SHROOM3: variants seen among roughly 807,000 people sequenced by gnomAD.
SHROOM3 encodes protein Shroom3.
In SHROOM3, 47 loss-of-function variants were observed where a neutral mutation model predicts 138.6. The ratio of observed to expected loss-of-function variants is 0.34; its 90% CI spans 0.27 to 0.43. The LOEUF is 0.43. Ranked by LOEUF, SHROOM3 falls within the 20% of genes least tolerant of loss-of-function variation. The pLI is 1.00. For missense variants in SHROOM3, 2,491 were observed against 2,596.5 expected (o/e 0.96, Z 0.88); for synonymous variants, 1,062 against 1,063.3 (o/e 1.00, Z 0.02).
At chr4:76,486,912 T>C (rs6829602) in intron 1 of SHROOM3, among the ~76,000 whole-genome samples, 1 of 150,150 alleles carries the variant, frequency 6.7e-6, no homozygotes, top group African/African-American at 2.5e-5. Flanking sequence ...AAGGCAACTT[T>C]AAAAAAAAAA....
At chr4:76,461,699 G>C (rs1478051999) in intron 1 of SHROOM3, among the ~76,000 whole-genome samples, 1 of 151,952 alleles carries the variant, frequency 6.6e-6, no homozygotes, top group Admixed American at 6.6e-5. Context: ...AAAGCAAAAG[G>C]CTTATGGTAA....
chr4:76,735,451 G>A (rs1394614306), intron 4 of SHROOM3, among the ~76,000 whole-genome samples: 2 of 151,928 alleles, frequency 1.3e-5, no homozygotes, highest in Non-Finnish European at 2.9e-5. Context: ...TCTACCTTAG[G>A]TTTGCTACAG....
intron 2 of SHROOM3, among the ~76,000 whole-genome samples, chr4:76,611,630 C>T (rs578176384): frequency 2.0e-5 from 3 of 152,028 alleles, no homozygotes; most frequent in Admixed American, 6.6e-5. Flanking sequence ...TTATATTTGC[C>T]CTCCATTGAT....
chr4:76,543,008 C>G (rs1469733524), intron 1 of SHROOM3, among the ~76,000 whole-genome samples: 2 of 152,164 alleles, frequency 1.3e-5, no homozygotes, highest in Non-Finnish European at 2.9e-5. Context: ...CATTCTGTCC[C>G]CATCCAGCCA....
At chr4:76,585,193 C>CTG (rs1203975489) in intron 2 of SHROOM3, among the ~76,000 whole-genome samples, 2 of 152,152 alleles carry the variant, frequency 1.3e-5, no homozygotes, top group African/African-American at 2.4e-5. Context: ...ATTCAGAATT[C>CTG]TGTGTGTGTG....
At chr4:76,579,774 G>A (rs986234786) in intron 2 of SHROOM3, among the ~76,000 whole-genome samples, 1 of 152,218 alleles carries the variant, frequency 6.6e-6, no homozygotes, top group Non-Finnish European at 1.5e-5. Flanking sequence ...ACAAACACTG[G>A]TTGGCCAGTT....
At chr4:76,769,855 C>T (rs1369950507) in intron 9 of SHROOM3, among the ~76,000 whole-genome samples, 2 of 152,198 alleles carry the variant, frequency 1.3e-5, no homozygotes, top group Non-Finnish European at 2.9e-5. Flanking sequence ...AACTGCTCTA[C>T]AAATGGTAGC....
chr4:76,555,856 G>A, intron 2 of SHROOM3, 93 bp downstream of exon 2: 2 of 1,435,238 alleles, frequency 1.4e-6, no homozygotes, highest in South Asian at 2.4e-5. Context: ...CTCGGGGTTG[G>A]TAGCTTGGCT....
intron 1 of SHROOM3, among the ~76,000 whole-genome samples, chr4:76,472,654 A>G (rs866849154): frequency 9.2e-5 from 14 of 151,780 alleles, no homozygotes; most frequent in African/African-American, 3.4e-4. Flanking sequence ...TAAAAAAATT[A>G]TATGGGATAT....
At chr4:76,557,424 G>T (rs1728830149) in intron 2 of SHROOM3, among the ~76,000 whole-genome samples, 1 of 152,160 alleles carries the variant, frequency 6.6e-6, no homozygotes, top group African/African-American at 2.4e-5. Context: ...CAAACTCACA[G>T]AAACAGAGAG....
intron 2 of SHROOM3, among the ~76,000 whole-genome samples, chr4:76,559,985 G>T (rs1733566512): frequency 6.6e-6 from 1 of 152,094 alleles, no homozygotes; most frequent in Non-Finnish European, 1.5e-5. Flanking sequence ...AAATGGAGAA[G>T]AAATGATAAA....
At chr4:76,504,572 T>G (rs1732170362) in intron 1 of SHROOM3, among the ~76,000 whole-genome samples, 1 of 152,234 alleles carries the variant, frequency 6.6e-6, no homozygotes, top group South Asian at 2.1e-4. Flanking sequence ...CAAATATAAA[T>G]TTTAATATGA....
At chr4:76,744,247 G>A (rs1164981990) in intron 5 of SHROOM3, among the ~76,000 whole-genome samples, 1 of 152,218 alleles carries the variant, frequency 6.6e-6, no homozygotes, top group Non-Finnish European at 1.5e-5. Flanking sequence ...TAAAGGGAAT[G>A]CCATATTTAG....
chr4:76,478,974 A>G (rs1731546099), intron 1 of SHROOM3, among the ~76,000 whole-genome samples: 1 of 152,178 alleles, frequency 6.6e-6, no homozygotes, highest in Admixed American at 6.5e-5. Context: ...CCCCATCTGA[A>G]GGTCACCAAC....
chr4:76,728,401 C>T (rs1188321643), intron 3 of SHROOM3, among the ~76,000 whole-genome samples: 1 of 152,196 alleles, frequency 6.6e-6, no homozygotes, highest in East Asian at 1.9e-4. Context: ...CAAATGCTCT[C>T]TCTCTCTTTG....
chr4:76,738,705 T>C lies in SHROOM3; in HGVS notation c.588-56T>C, dbSNP rs1721153189. The C allele has an allele frequency of 1.9e-6, 3 of 1,595,764 alleles. No homozygotes were observed. The African/African-American group carries it at 4.0e-5, about 21-fold the overall frequency. ...ATTTATAAGCTGGGTCCTCTGCCTG[T>C]AAGCCTACTAAATGATAACAGCTCA... On this transcript the variant is annotated intron_variant, in intron 4 of 10. Transcript: ENST00000296043.
At chr4:76,444,916 G>T (rs893375838) in intron 1 of SHROOM3, among the ~76,000 whole-genome samples, 1 of 151,146 alleles carries the variant, frequency 6.6e-6, no homozygotes, top group Non-Finnish European at 1.5e-5. Context: ...GGGCAACATG[G>T]CAAAACCCTG....
intron 2 of SHROOM3, chr4:76,575,658 G>T (rs990533645): frequency 6.6e-6 from 1 of 152,014 alleles, no homozygotes; most frequent in Admixed American, 6.6e-5. Context: ...ATCTGAACAA[G>T]AAATTTAAAA....
chr4:76,637,444 A>G (rs999236489), intron 2 of SHROOM3: 1 of 152,234 alleles, frequency 6.6e-6, no homozygotes, highest in African/African-American at 2.4e-5. Flanking sequence ...TAGAAGAATC[A>G]TTATATTCAG....
Sources: allele counts gnomAD v4.1 joint callset (sites outside exome capture counted in the v4.1 genomes callset), GRCh38; gene constraint gnomAD v4.1.1; transcripts MANE v1.5; gene names NCBI Gene and HGNC (gene_info 2026-07-23, HGNC 2026-07-21).